SLIT3: variants seen among roughly 807,000 people sequenced by gnomAD.
SLIT3 encodes the protein slit homolog 3 protein.
In SLIT3, 68 loss-of-function variants were observed where a neutral mutation model predicts 184.0. The ratio of observed to expected loss-of-function variants is 0.37; its 90% confidence interval spans 0.30 to 0.45. SLIT3 has a LOEUF of 0.45. Among genes scored for constraint, SLIT3 ranks in the 20% least tolerant of loss-of-function variants. SLIT3 has a pLI of 1.00. For missense variants in SLIT3, 1,707 were observed against 2,026.0 expected, an observed-to-expected ratio of 0.84 and a Z score of 3.02; for synonymous variants, 831 against 828.6, an observed-to-expected ratio of 1.00 and a Z score of -0.05.
intron 3 of SLIT3, among the ~76,000 whole-genome samples, chr5:169,197,137 C>T (rs1045194157): frequency 1.2e-4 from 18 of 152,056 alleles, no homozygotes; most frequent in South Asian, 6.2e-4. Context: ...AGTTTTTTGC[C>T]GGTATTTGTG....
chr5:168,959,217 T>G (rs55701617), intron 4 of SLIT3, among the ~76,000 whole-genome samples: 4,418 of 152,366 alleles, frequency 0.029, 221 homozygotes, highest in African/African-American at 0.099. Flanking sequence ...CTGGCTCTGA[T>G]GCCAACTTGT....
chr5:169,293,161 AATAAGACTTTTG>A (rs780615855), intron 1 of SLIT3, among the ~76,000 whole-genome samples: 188 of 152,350 alleles, frequency 1.2e-3, no homozygotes, highest in Admixed American at 2.7e-3. Flanking sequence ...ACACCACAGC[AATAAGACTTTTG>A]AAAACCTGTC....
chr5:168,669,334 G>A (rs767787198), intron 35 of SLIT3, among the ~76,000 whole-genome samples: 1 of 152,222 alleles, frequency 6.6e-6, no homozygotes, highest in Non-Finnish European at 1.5e-5. Flanking sequence ...CAAAGAGCCT[G>A]TGTAGTGACT....
intron 4 of SLIT3, among the ~76,000 whole-genome samples, chr5:168,963,047 C>G (rs548824908): frequency 1.3e-5 from 2 of 152,342 alleles, no homozygotes. Flanking sequence ...TTCTTACTTA[C>G]TTTTGCTTTT....
chr5:169,047,892 G>T (rs1757682581), intron 4 of SLIT3, among the ~76,000 whole-genome samples: 1 of 152,034 alleles, frequency 6.6e-6, no homozygotes, highest in African/African-American at 2.4e-5. Context: ...AGCAGCTCCA[G>T]AGCAGGAACT....
chr5:168,826,656 T>A (rs113880592), intron 6 of SLIT3, among the ~76,000 whole-genome samples: 2 of 152,228 alleles, frequency 1.3e-5, no homozygotes, highest in Non-Finnish European at 2.9e-5. Context: ...ACTGGGCTCA[T>A]AGAGCTTTAG....
intron 4 of SLIT3, among the ~76,000 whole-genome samples, chr5:168,892,425 A>G (rs1472679781): frequency 6.6e-6 from 1 of 152,236 alleles, no homozygotes; most frequent in African/African-American, 2.4e-5. Context: ...GCTACGCAGC[A>G]TCTCATTGCC....
At chr5:169,023,336 T>C (rs532888571) in intron 4 of SLIT3, among the ~76,000 whole-genome samples, 1 of 152,208 alleles carries the variant, frequency 6.6e-6, no homozygotes, top group Admixed American at 6.5e-5. Flanking sequence ...AAAATAGCTA[T>C]TTTGTCTGTG....
intron 4 of SLIT3, among the ~76,000 whole-genome samples, chr5:169,158,184 A>G (rs1489970389): frequency 6.6e-6 from 1 of 152,208 alleles, no homozygotes; most frequent in Admixed American, 6.5e-5. Context: ...ACCATAGAAA[A>G]ATTTCTGGAA....
At chr5:169,262,557 A>G (rs536822269) in intron 1 of SLIT3, among the ~76,000 whole-genome samples, 15 of 152,100 alleles carry the variant, frequency 9.9e-5, no homozygotes, top group Non-Finnish European at 1.9e-4. Flanking sequence ...GGCTGACAAC[A>G]TGCTTGGGGA....
intron 4 of SLIT3, 27 bp downstream of exon 4, chr5:169,193,452 T>G (rs1353453424): frequency 6.2e-7 from 1 of 1,601,818 alleles, no homozygotes; most frequent in Non-Finnish European, 8.6e-7. Context: ...AGGCACAAGG[T>G]AGAGAACACA....
At chr5:169,156,461 G>C (rs1442271363) in intron 4 of SLIT3, among the ~76,000 whole-genome samples, 1 of 152,188 alleles carries the variant, frequency 6.6e-6, no homozygotes, top group Non-Finnish European at 1.5e-5. Flanking sequence ...CCTCGTGTTC[G>C]AGAAGCCTGG....
intron 10 of SLIT3, chr5:168,789,879 A>G (rs1756297812): frequency 4.4e-6 from 2 of 459,244 alleles, no homozygotes; most frequent in Admixed American, 3.8e-5. Flanking sequence ...TGGCATCTTC[A>G]TCGGGACACG....
intron 4 of SLIT3, among the ~76,000 whole-genome samples, chr5:169,041,160 T>C (rs1757435082): frequency 6.6e-6 from 1 of 152,222 alleles, no homozygotes; most frequent in South Asian, 2.1e-4. Flanking sequence ...ATTCACCTAA[T>C]ATTTCTTCAG....
At chr5:168,686,530 G>A (rs1761749904) in intron 30 of SLIT3, among the ~76,000 whole-genome samples, 1 of 152,166 alleles carries the variant, frequency 6.6e-6, no homozygotes, top group Non-Finnish European at 1.5e-5. Flanking sequence ...ATCTAGAGTA[G>A]CCAAATTCAT....
chr5:168,770,273 C>T (rs1210590368), intron 14 of SLIT3, among the ~76,000 whole-genome samples: 1 of 152,198 alleles, frequency 6.6e-6, no homozygotes, highest in Non-Finnish European at 1.5e-5. Context: ...AACCAGACGC[C>T]CTGCCTAAGG....
chr5:169,090,386 C>A (rs138062722), intron 4 of SLIT3, among the ~76,000 whole-genome samples: 199 of 152,282 alleles, frequency 1.3e-3, no homozygotes, highest in African/African-American at 4.6e-3. Context: ...GACATGCAAG[C>A]CTGGGAACTG....
At chr5:168,785,750 A>C (rs1044036375) in intron 12 of SLIT3, among the ~76,000 whole-genome samples, 157 bp downstream of exon 12, 3 of 152,220 alleles carry the variant, frequency 2.0e-5, no homozygotes, top group African/African-American at 7.2e-5. Context: ...CCTTTCATAA[A>C]AATAGGAAAC....
intron 3 of SLIT3, among the ~76,000 whole-genome samples, chr5:169,194,651 T>C (rs185129790): frequency 6.6e-6 from 1 of 152,342 alleles, no homozygotes; most frequent in East Asian, 1.9e-4. Flanking sequence ...TAGACCCTTA[T>C]CACCATCCCT....
Sources: allele counts gnomAD v4.1 joint callset (sites outside exome capture counted in the v4.1 genomes callset), GRCh38; gene constraint gnomAD v4.1.1; transcripts MANE v1.5; gene names NCBI Gene and HGNC (gene_info 2026-07-23, HGNC 2026-07-21).